Variants in GAR1 observed in about 807,000 individuals in gnomAD.
GAR1 encodes the protein GAR1 ribonucleoprotein.
Under a neutral mutation model 29.3 loss-of-function variants are expected in GAR1, and 11 were observed. The observed-to-expected ratio is 0.38, with a 90% CI of 0.24 to 0.62. GAR1 has a LOEUF of 0.62. GAR1 is among the 20% of genes least tolerant of loss of function. The pLI, the probability that GAR1 is intolerant of heterozygous loss-of-function variation, is 0.62. For synonymous variants in GAR1, 87 were observed against 93.3 expected, an observed-to-expected ratio of 0.93 and a Z score of 0.39; for missense variants, 237 against 268.4, an observed-to-expected ratio of 0.88 and a Z score of 0.82.
chr4:109,815,871 G>GAGGA (rs1429303275), intron 1 of GAR1, 67 bp downstream of exon 1: 76 of 407,114 alleles, frequency 1.9e-4, no homozygotes, highest in Admixed American at 1.7e-3. Flanking sequence ...CGGAGGGAGG[G>GAGGA]AGGAAGGAAG....
chr4:109,824,377 C>A (rs766974453), intron 6 of GAR1, 41 bp from the exon 7 acceptor site: 14 of 1,424,530 alleles, frequency 9.8e-6, no homozygotes, highest in Non-Finnish European at 1.4e-5. Context: ...ATTAAAAATC[C>A]ATTTTCTGTG....
At chr4:109,815,950 T>C in intron 1 of GAR1, 146 bp downstream of exon 1, 1 of 610,642 alleles carries the variant, frequency 1.6e-6, no homozygotes, top group South Asian at 2.0e-5. Flanking sequence ...GCAAGGGTGG[T>C]GTGTGGTCGG....
intron 2 of GAR1, 141 bp from the exon 3 acceptor site, chr4:109,817,795 G>A: frequency 1.6e-6 from 1 of 633,650 alleles, no homozygotes; most frequent in East Asian, 2.8e-5. Flanking sequence ...AGCCCAGGAA[G>A]TCCTAAGACT....
At chr4:109,823,227 T>G (rs1206979093) in intron 5 of GAR1, among the ~76,000 whole-genome samples, 1 of 151,952 alleles carries the variant, frequency 6.6e-6, no homozygotes, top group Non-Finnish European at 1.5e-5. Flanking sequence ...AGAGCCAAAG[T>G]GGAAAGGGAG....
chr4:109,816,032 T>A, intron 1 of GAR1, 121 bp from the exon 2 acceptor site: 1 of 920,726 alleles, frequency 1.1e-6, no homozygotes, highest in Non-Finnish European at 1.8e-6. Flanking sequence ...TGTCTGACCG[T>A]GGGTGAGGTG....
intron 3 of GAR1, 68 bp from the exon 4 acceptor site, chr4:109,818,933 A>G (rs1733430921): frequency 5.5e-6 from 4 of 728,168 alleles, no homozygotes; most frequent in South Asian, 1.7e-5. Context: ...GAAATTATAC[A>G]TGAATTCAGA....
At position 109,816,137 on chromosome 4, in the gene GAR1, G is replaced by A. The variant is rs778770888; in HGVS notation, c.-12-16G>A. 42 of 1,569,788 alleles carry A rather than the reference G, an allele frequency of 2.7e-5. No homozygotes were observed. In the East Asian group the frequency reaches 8.8e-4, roughly 33 times the overall value. ...CTACAGTGATCAGAAGACATAGGTCGTTTTTTTTTCATCAGGGAGGAGAGA... is the reference window on the plus strand; with the variant it reads ...CTACAGTGATCAGAAGACATAGGTCATTTTTTTTTCATCAGGGAGGAGAGA... On this transcript the variant is annotated splice_polypyrimidine_tract_variant and intron_variant, in intron 1 of 6. Coordinates refer to ENST00000226796, the MANE Select transcript of GAR1 (RefSeq NM_018983.4).
At chr4:109,820,118 A>G (rs1733472788) in intron 4 of GAR1, among the ~76,000 whole-genome samples, 2 of 152,382 alleles carry the variant, frequency 1.3e-5, no homozygotes, top group South Asian at 4.1e-4. Flanking sequence ...TAGTTCTAAA[A>G]GAGATGGTAT....
Position 109,824,285 on chromosome 4 carries a change from CAGTT to C in GAR1, c.641-131_641-128del, listed in dbSNP as rs543176436. 1.4e-4 allele frequency: 94 copies of C among 652,824 alleles called. No individual in the cohort carries two copies. The East Asian group carries it at 2.4e-3, about 17-fold the overall frequency. 40.4% of individuals were successfully genotyped at this position (652,824 alleles called of 1,614,324 possible). On this transcript the variant is annotated intron_variant, in intron 6 of 6. Coordinates refer to ENST00000226796, the MANE Select transcript of GAR1 (RefSeq NM_018983.4). ...AAAAATAAAGGTGTAATATGAATGACAGTTAAATTTGGTAAAGTATGTTTGCTAA... is the reference window on the plus strand; with the variant it reads ...AAAAATAAAGGTGTAATATGAATGACAAATTTGGTAAAGTATGTTTGCTAA...
At chr4:109,822,000 G>T (rs990721796) in intron 4 of GAR1, among the ~76,000 whole-genome samples, 16 of 152,048 alleles carry the variant, frequency 1.1e-4, no homozygotes, top group African/African-American at 3.4e-4. Context: ...GTCGGGGGAT[G>T]GGGGGAAGGG....
chr4:109,820,475 G>A (rs1405869641), intron 4 of GAR1, among the ~76,000 whole-genome samples: 6 of 152,048 alleles, frequency 3.9e-5, no homozygotes, highest in Non-Finnish European at 1.5e-5. Flanking sequence ...AACATTGTAG[G>A]AAGAAAGAAT....
chr4:109,822,542 A>AT (rs1471048578), intron 5 of GAR1, 54 bp downstream of exon 5: 71 of 1,551,836 alleles, frequency 4.6e-5, no homozygotes, highest in Non-Finnish European at 5.9e-5. Flanking sequence ...TTCACAGCTA[A>AT]TTCATACAAT....
intron 6 of GAR1, 144 bp from the exon 7 acceptor site, chr4:109,824,274 A>G (rs1221927090): frequency 9.4e-6 from 6 of 636,022 alleles, no homozygotes; most frequent in Non-Finnish European, 1.7e-5. Context: ...ATAAAGGTGT[A>G]ATATGAATGA....
rs192930074 is a variant in GAR1, at chr4:109,823,297, G to A, written c.572-668G>A. On this transcript the variant is annotated intron_variant, in intron 5 of 6. Coordinates refer to ENST00000226796, the MANE Select transcript of GAR1 (RefSeq NM_018983.4). ...ACTGGATCAGAAAAAGAGAAGGAAC[G>A]CCTCACTTTTGGCGTTTCTCAATTT... 2.0e-5 allele frequency among the ~76,000 whole-genome samples: 3 copies of A among 152,248 alleles called. No homozygotes were observed. The East Asian group carries it at 5.8e-4, about 29-fold the overall frequency.
chr4:109,820,667 G>C (rs1000662726), intron 4 of GAR1, among the ~76,000 whole-genome samples: 1 of 152,026 alleles, frequency 6.6e-6, no homozygotes, highest in Non-Finnish European at 1.5e-5. Flanking sequence ...TATGGCAAAA[G>C]GCTGCAAAGT....
In GAR1 at chr4:109,816,319, G is replaced by C. The variant is rs1235829441; in HGVS notation, c.155G>C (p.Gly52Ala). The C allele has an allele frequency of 6.2e-7, 1 of 1,613,598 alleles. No individual in the cohort carries two copies. Among genetic ancestry groups the C allele is most frequent in the Admixed American group, 1.7e-5 (1 of 59,972 alleles). ...RGGGRGGFGR[G>A]GGRGGFNKGQ... ...GGCGGCAGGGGAGGATTTGGACGAG[G>C]GGGTGGCCGCGGAGGCTTTAACAAA... The change falls in exon 2 of 7, where the codon GGG (glycine) becomes GCG (alanine). Residue 52 changes from glycine to alanine, a missense_variant. Transcript: ENST00000226796.
chr4:109,816,814 C>T (rs931429024), intron 2 of GAR1, among the ~76,000 whole-genome samples: 1 of 152,130 alleles, frequency 6.6e-6, no homozygotes, highest in Non-Finnish European at 1.5e-5. Context: ...GATAATAAAG[C>T]AGGAGACCCT....
chr4:109,818,392 A>G (rs1377215758), intron 3 of GAR1, among the ~76,000 whole-genome samples: 1 of 152,046 alleles, frequency 6.6e-6, no homozygotes, highest in Non-Finnish European at 1.5e-5. Context: ...TAGAATTAGA[A>G]GTTGTTTGGT....
At chr4:109,818,491 CTCTT>C (rs1175191552) in intron 3 of GAR1, among the ~76,000 whole-genome samples, 2 of 151,454 alleles carry the variant, frequency 1.3e-5, no homozygotes, top group African/African-American at 2.4e-5. Context: ...CTTTCTCTCT[CTCTT>C]TCTTTCTCTC....
Sources: allele counts gnomAD v4.1 joint callset (sites outside exome capture counted in the v4.1 genomes callset), GRCh38; gene constraint gnomAD v4.1.1; transcripts MANE v1.5; gene names NCBI Gene and HGNC (gene_info 2026-07-23, HGNC 2026-07-21).